CORO2B: variants seen among roughly 807,000 people sequenced by gnomAD.
CORO2B encodes coronin 2B.
In CORO2B, 26 loss-of-function variants were observed where a neutral mutation model predicts 58.8. The observed-to-expected ratio is 0.44, with a 90% CI of 0.32 to 0.61. The LOEUF is 0.61. CORO2B is among the 20% of genes least tolerant of loss of function. CORO2B has a pLI of 0.04. For synonymous variants in CORO2B, 242 were observed against 253.8 expected (o/e 0.95, Z 0.44); for missense variants, 460 against 645.1 (o/e 0.71, Z 3.11).
At chr15:68,557,899 T>C in the CORO2B span, among the ~76,000 whole-genome samples, 2 of 152,078 alleles carry the variant, frequency 1.3e-5, no homozygotes, top group Non-Finnish European at 2.9e-5. Flanking sequence ...CAGCATGAGG[T>C]CCTGGTCATA....
the CORO2B span, among the ~76,000 whole-genome samples, chr15:68,566,302 C>T: frequency 6.6e-6 from 1 of 152,138 alleles, no homozygotes; most frequent in African/African-American, 2.4e-5. Flanking sequence ...GGAGAGGAAA[C>T]AGGCCCAGAG....
chr15:68,670,874 C>T (rs1390546083), intron 2 of CORO2B, among the ~76,000 whole-genome samples: 1 of 152,086 alleles, frequency 6.6e-6, no homozygotes, highest in East Asian at 1.9e-4. Flanking sequence ...ATTAGTACAA[C>T]CATTGTGAAA....
chr15:68,610,357 G>A (rs911842986), intron 1 of CORO2B, among the ~76,000 whole-genome samples: 2 of 152,126 alleles, frequency 1.3e-5, no homozygotes, highest in African/African-American at 2.4e-5. Context: ...AAGGGCTGGG[G>A]GCTGGCTTGG....
chr15:68,620,914 G>A (rs980869536), intron 1 of CORO2B, among the ~76,000 whole-genome samples: 24 of 152,236 alleles, frequency 1.6e-4, no homozygotes, highest in African/African-American at 5.3e-4. Context: ...TGGGGTAAAT[G>A]CAAGGCAGTC....
rs867039728 is a variant in CORO2B, at chr15:68,691,624, C to A, written c.217-3516C>A. Among the ~76,000 whole-genome samples the A allele has an allele frequency of 1.9e-4, 5 of 25,752 alleles. 2 individuals are homozygous for A. The highest frequency in any genetic ancestry group is 5.5e-4 in the African/African-American group (5 of 9,170). 16.9% of individuals were successfully genotyped at this position (25,752 alleles called of 152,430 possible). On this transcript the variant is annotated intron_variant, in intron 2 of 11. Coordinates refer to ENST00000261861, the MANE Select transcript of CORO2B (RefSeq NM_006091.5). ...TGGGCGACAGAGCGAGACTCCGTCTCAAAAAAAAAAAAAAAAAAAAAAGAA... is the reference window on the plus strand; with the variant it reads ...TGGGCGACAGAGCGAGACTCCGTCTAAAAAAAAAAAAAAAAAAAAAAAGAA...
At chr15:68,520,536 T>C in the CORO2B span, among the ~76,000 whole-genome samples, 1 of 152,244 alleles carries the variant, frequency 6.6e-6, no homozygotes, top group African/African-American at 2.4e-5. Context: ...TGCTTAGAAA[T>C]GCTTCTTGCC....
chr15:68,670,447 T>C (rs1902354004), intron 2 of CORO2B, among the ~76,000 whole-genome samples: 1 of 152,172 alleles, frequency 6.6e-6, no homozygotes, highest in South Asian at 2.1e-4. Context: ...CTCAAAGTGC[T>C]GGGATTACAG....
intron 2 of CORO2B, among the ~76,000 whole-genome samples, chr15:68,669,718 TAATAA>T (rs2140294360): frequency 1.3e-5 from 2 of 152,222 alleles, no homozygotes; most frequent in African/African-American, 4.8e-5. Context: ...AGTTTCCTGT[TAATAA>T]AATAAATATA....
At chr15:68,719,063 C>G in intron 9 of CORO2B, 81 bp from the exon 10 acceptor site, 1 of 1,137,334 alleles carries the variant, frequency 8.8e-7, no homozygotes. Context: ...GACTGGAGAT[C>G]AGTAAGAAGA....
chr15:68,675,901 C>T (rs1001231172), intron 2 of CORO2B, among the ~76,000 whole-genome samples: 6 of 152,034 alleles, frequency 3.9e-5, no homozygotes, highest in Non-Finnish European at 7.4e-5. Flanking sequence ...GGGGCCTACA[C>T]GCTAGCGGAG....
chr15:68,617,477 A>G (rs1269150480), intron 1 of CORO2B, among the ~76,000 whole-genome samples: 4 of 152,128 alleles, frequency 2.6e-5, no homozygotes, highest in Admixed American at 1.3e-4. Context: ...ACTTGCCCAT[A>G]CTGGACCTCC....
At position 68,671,129 on chromosome 15, in the gene CORO2B, G is replaced by A. The variant is rs147992218; in HGVS notation, c.217-24011G>A. On this transcript the variant is annotated intron_variant, in intron 2 of 11. Transcript: ENST00000261861. ...ACAACGCAGCCGTGAAAATCATGCT[G>A]TTCAAGAATGTTCAATGGCACAGGA... Among the ~76,000 whole-genome samples, 16 of 152,302 alleles carry A rather than the reference G, an allele frequency of 1.1e-4. No homozygotes were observed. The East Asian group carries it at 2.9e-3, about 28-fold the overall frequency.
At chr15:68,579,965 T>A (rs890972980) in intron 1 of CORO2B, among the ~76,000 whole-genome samples, 1 of 152,218 alleles carries the variant, frequency 6.6e-6, no homozygotes, top group South Asian at 2.1e-4. Context: ...CTTCAGGGGC[T>A]TCCTAGTTGT....
At position 68,727,197 on chromosome 15, in the gene CORO2B, A is replaced by T. The variant is rs1339111708; in HGVS notation, c.*1223A>T. 1 of 152,668 alleles carries T rather than the reference A, an allele frequency of 6.6e-6. No homozygotes were observed. The highest frequency in any genetic ancestry group is 1.9e-4 in the East Asian group (1 of 5,192). 9.5% of individuals were successfully genotyped at this position (152,668 alleles called of 1,614,324 possible). A position where few individuals can be genotyped will look rare whatever the true frequency, so the allele number is the denominator to read the frequency against. On this transcript the variant is annotated 3_prime_UTR_variant, in exon 12 of 12. Transcript: ENST00000261861. ...AATGACCACAGCCACTCGCATCCGTATAGCACTTTAAAGTTTCTGCAGTCC... is the reference window on the plus strand; with the variant it reads ...AATGACCACAGCCACTCGCATCCGTTTAGCACTTTAAAGTTTCTGCAGTCC...
chr15:68,594,454 G>A (rs1899779560), intron 1 of CORO2B, among the ~76,000 whole-genome samples: 1 of 152,230 alleles, frequency 6.6e-6, no homozygotes, highest in African/African-American at 2.4e-5. Flanking sequence ...AGCAGCCCTG[G>A]CAGGAAGGTG....
chr15:68,566,643 G>T, the CORO2B span, among the ~76,000 whole-genome samples: 4 of 152,100 alleles, frequency 2.6e-5, no homozygotes, highest in Admixed American at 2.6e-4. Flanking sequence ...CTGCTCCACA[G>T]GCCTCCCCTG....
the CORO2B span, among the ~76,000 whole-genome samples, chr15:68,549,263 T>C: frequency 3.9e-5 from 6 of 152,224 alleles, no homozygotes; most frequent in Non-Finnish European, 7.3e-5. Flanking sequence ...ACAGGCCATA[T>C]TGCTATGTAG....
the CORO2B span, among the ~76,000 whole-genome samples, chr15:68,560,046 G>C: frequency 6.6e-6 from 1 of 152,236 alleles, no homozygotes. Flanking sequence ...GGGAGATCCC[G>C]GTGGAGACTG....
the CORO2B span, chr15:68,559,615 TA>T: frequency 1.0e-6 from 1 of 985,154 alleles, no homozygotes; most frequent in Admixed American, 6.2e-5. The surrounding 1 kb of genome is among the most constrained non-coding windows in gnomAD (Gnocchi z 4.3). Flanking sequence ...GTGCTGATGG[TA>T]AGAGGCCCCC....
Sources: gnomAD v4.1 joint callset for allele counts (sites outside exome capture counted in the v4.1 genomes callset) on GRCh38, gnomAD v4.1.1 for gene constraint, Gnocchi (gnomAD v3.1) non-coding constraint, MANE v1.5 for transcripts, NCBI Gene and HGNC (gene_info 2026-07-23, HGNC 2026-07-21) for gene names.